Variants in ECHDC1 observed in about 807,000 individuals in gnomAD.
ECHDC1 encodes ethylmalonyl-CoA decarboxylase.
In ECHDC1, 29 loss-of-function variants were observed where a neutral mutation model predicts 29.7. The observed-to-expected ratio is 0.98, with a 90% CI of 0.73 to 1.33. ECHDC1 has a LOEUF of 1.33. Ranked by LOEUF, ECHDC1 falls within the 40% of genes most tolerant of loss-of-function variation. ECHDC1 has a pLI of 0.00. For missense variants in ECHDC1, 328 were observed against 350.0 expected (o/e 0.94, Z 0.50); for synonymous variants, 126 against 123.1 (o/e 1.02, Z -0.15).
intron 5 of ECHDC1, among the ~76,000 whole-genome samples, chr6:127,309,798 G>A (rs557114364): frequency 4.6e-5 from 7 of 152,314 alleles, no homozygotes; most frequent in African/African-American, 1.7e-4. Flanking sequence ...CATGGCAGAA[G>A]GCGAAGCGGA....
intron 3 of ECHDC1, among the ~76,000 whole-genome samples, chr6:127,322,903 A>G (rs1782956101): frequency 2.0e-5 from 3 of 152,124 alleles, no homozygotes; most frequent in Admixed American, 2.0e-4. Context: ...GTGAACAGTG[A>G]TACAACCATT....
chr6:127,320,452 A>T (rs1038732886), intron 3 of ECHDC1, among the ~76,000 whole-genome samples: 2 of 152,206 alleles, frequency 1.3e-5, no homozygotes, highest in African/African-American at 4.8e-5. Context: ...AAAAGTAACA[A>T]GGAAAGTTAA....
At chr6:127,309,201 A>T (rs1781680761) in intron 5 of ECHDC1, among the ~76,000 whole-genome samples, 1 of 152,170 alleles carries the variant, frequency 6.6e-6, no homozygotes, top group South Asian at 2.1e-4. Flanking sequence ...CTGACTTCAA[A>T]TTATACCACA....
rs1779939267 is a variant in ECHDC1 at position 127,289,609 on chromosome 6, A to G, written c.*260T>C. 1 of 367,184 alleles carries G rather than the reference A, an allele frequency of 2.7e-6. No individual in the cohort carries two copies. Among genetic ancestry groups the G allele is most frequent in the African/African-American group, 2.1e-5 (1 of 48,208 alleles). 22.7% of individuals were successfully genotyped at this position (367,184 alleles called of 1,614,324 possible). A position where few individuals can be genotyped will look rare whatever the true frequency, so the allele number is the denominator to read the frequency against. ...GCTCTTTGGTTATAAGCTAAGAATTATTATTGGAATTGACAGCAATAATTT... is the reference window on the plus strand; with the variant it reads ...GCTCTTTGGTTATAAGCTAAGAATTGTTATTGGAATTGACAGCAATAATTT... On this transcript the variant is annotated 3_prime_UTR_variant, in exon 6 of 6. Transcript: ENST00000454859.
chr6:127,296,283 TCC>T (rs2114559999), intron 5 of ECHDC1, among the ~76,000 whole-genome samples: 1 of 152,206 alleles, frequency 6.6e-6, no homozygotes, highest in African/African-American at 2.4e-5. Context: ...AACCTCCGCC[TCC>T]CAGGTTCAAG....
chr6:127,341,177 T>C (rs1473682153), intron 1 of ECHDC1, among the ~76,000 whole-genome samples: 1 of 152,160 alleles, frequency 6.6e-6, no homozygotes, highest in Non-Finnish European at 1.5e-5. Context: ...TGTCTCTCCT[T>C]TTCTCTCCTC....
chr6:127,314,478 A>G (rs1782200202), intron 5 of ECHDC1, among the ~76,000 whole-genome samples: 1 of 152,066 alleles, frequency 6.6e-6, no homozygotes, highest in African/African-American at 2.4e-5. Context: ...TTCTTTTTTA[A>G]TGTTGCTTAC....
At chr6:127,331,151 C>CTTT in intron 1 of ECHDC1, 121 bp from the exon 2 acceptor site, 5 of 561,530 alleles carry the variant, frequency 8.9e-6, no homozygotes, top group Non-Finnish European at 1.2e-5. Context: ...TTCCCCATTT[C>CTTT]TTTTTTTTTT....
intron 5 of ECHDC1, 114 bp downstream of exon 5, chr6:127,314,697 CAGAAA>C (rs1782213704): frequency 5.6e-6 from 4 of 716,390 alleles, no homozygotes; most frequent in South Asian, 2.4e-5. Context: ...AGAAAACATT[CAGAAA>C]AGAAAATAGG....
chr6:127,328,329 T>C (rs1208609520), intron 2 of ECHDC1, among the ~76,000 whole-genome samples: 1 of 152,236 alleles, frequency 6.6e-6, no homozygotes, highest in African/African-American at 2.4e-5. Context: ...ATAGCCATTG[T>C]AATGTAGTAC....
At chr6:127,311,707 A>AAAAAAAAAAAAG (rs1781943643) in intron 5 of ECHDC1, among the ~76,000 whole-genome samples, 2 of 89,008 alleles carry the variant, frequency 2.2e-5, no homozygotes, top group Non-Finnish European at 3.9e-5. Flanking sequence ...AAGAAAAGAA[A>AAAAAAAAAAAAG]AAAGAAAGAA....
At chr6:127,341,358 T>C (rs1038934674) in intron 1 of ECHDC1, among the ~76,000 whole-genome samples, 39 of 152,206 alleles carry the variant, frequency 2.6e-4, no homozygotes, top group African/African-American at 8.0e-4. Flanking sequence ...AGCTCAGTGA[T>C]GAGATGACAA....
At chr6:127,302,960 CTTT>C (rs1003895164) in intron 5 of ECHDC1, among the ~76,000 whole-genome samples, 2 of 151,840 alleles carry the variant, frequency 1.3e-5, no homozygotes, top group African/African-American at 4.8e-5. Flanking sequence ...TATAAAATAA[CTTT>C]TTTTTATTGT....
chr6:127,316,314 CA>C (rs1443383531), intron 4 of ECHDC1, 135 bp downstream of exon 4: 5 of 687,046 alleles, frequency 7.3e-6, no homozygotes, highest in East Asian at 2.8e-5. Flanking sequence ...CTCTACGGCA[CA>C]AAAAAATAGT....
chr6:127,319,864 G>A (rs867699794), intron 3 of ECHDC1, among the ~76,000 whole-genome samples: 1 of 152,250 alleles, frequency 6.6e-6, no homozygotes, highest in Non-Finnish European at 1.5e-5. Context: ...CAAAAGGAAT[G>A]ATTAACATCA....
chr6:127,330,797 G>T lies in ECHDC1; in HGVS notation c.220+12C>A, dbSNP rs1380620489. On this transcript the variant is annotated intron_variant, in intron 2 of 5. Coordinates refer to ENST00000454859, the MANE Select transcript of ECHDC1 (RefSeq NM_001002030.2). ...TAGTGTCATTCTTTAGGAATAAAAA[G>T]ATCCCTAATACCTGAAAAGGCATTC... The T allele has an allele frequency of 1.3e-6, 2 of 1,593,846 alleles. No homozygotes were observed. Among genetic ancestry groups the T allele is most frequent in the Non-Finnish European group, 1.7e-6 (2 of 1,162,850 alleles).
chr6:127,312,924 G>A (rs1207028976), intron 5 of ECHDC1: 1 of 151,980 alleles, frequency 6.6e-6, no homozygotes, highest in Non-Finnish European at 1.5e-5. Flanking sequence ...ACATTAAAAA[G>A]TACATACTCT....
At chr6:127,290,815 A>C (rs894443183) in intron 5 of ECHDC1, among the ~76,000 whole-genome samples, 9 of 152,224 alleles carry the variant, frequency 5.9e-5, no homozygotes, top group African/African-American at 2.2e-4. Context: ...TTCAGTTTGG[A>C]GAGAAAGGCA....
intron 5 of ECHDC1, among the ~76,000 whole-genome samples, chr6:127,292,583 C>G (rs1650985796): frequency 6.6e-6 from 1 of 151,780 alleles, no homozygotes; most frequent in African/African-American, 2.4e-5. Context: ...AAGTAGTTTC[C>G]TCTAATAAAC....
Sources: gnomAD v4.1 joint callset for allele counts (sites outside exome capture counted in the v4.1 genomes callset) on GRCh38, gnomAD v4.1.1 for gene constraint, MANE v1.5 for transcripts, NCBI Gene and HGNC (gene_info 2026-07-23, HGNC 2026-07-21) for gene names.